ANAPC10: variants seen among roughly 807,000 people sequenced by gnomAD.
ANAPC10 encodes anaphase-promoting complex subunit 10.
A neutral mutation model predicts 22.0 loss-of-function variants in ANAPC10; 12 were observed. That is an observed-to-expected ratio of 0.55 (90% confidence interval 0.35 to 0.88). ANAPC10 has a LOEUF of 0.88. Among genes scored for constraint, ANAPC10 ranks in the 40% least tolerant of loss-of-function variants. The pLI is 0.01. For missense variants in ANAPC10, 188 were observed against 220.9 expected (o/e 0.85, Z 0.94); for synonymous variants, 65 against 69.5 (o/e 0.94, Z 0.32).
chr4:145,079,620 A>G (rs1745673519), intron 3 of ANAPC10, among the ~76,000 whole-genome samples: 2 of 152,352 alleles, frequency 1.3e-5, no homozygotes, highest in South Asian at 4.1e-4. Context: ...AAGACAAGGA[A>G]TCAACCTAGA....
intron 3 of ANAPC10, 39 bp downstream of exon 3, chr4:145,081,621 A>T: frequency 7.7e-7 from 1 of 1,291,786 alleles, no homozygotes; most frequent in South Asian, 1.3e-5. Context: ...TTTGTCTATA[A>T]CCTACAGTAG....
At chr4:145,080,113 C>CAA (rs70956824) in intron 3 of ANAPC10, among the ~76,000 whole-genome samples, 1,403 of 25,940 alleles carry the variant, frequency 0.054, 170 homozygotes, top group Non-Finnish European at 0.067. Flanking sequence ...GACTCTGTCT[C>CAA]AAAAAAAAAA....
At chr4:145,053,919 T>G (rs1297938862) in intron 4 of ANAPC10, 2 of 327,718 alleles carry the variant, frequency 6.1e-6, no homozygotes, top group Admixed American at 5.0e-5. Context: ...TGTGTGTGTG[T>G]TTTTTTTTTA....
chr4:145,043,475 C>T (rs1025662085), intron 4 of ANAPC10, among the ~76,000 whole-genome samples: 2 of 151,970 alleles, frequency 1.3e-5, no homozygotes, highest in African/African-American at 2.4e-5. Context: ...TGTGGAGAGC[C>T]AACTACAATA....
intron 4 of ANAPC10, among the ~76,000 whole-genome samples, chr4:145,019,538 T>C (rs1050117380): frequency 2.0e-5 from 3 of 151,860 alleles, no homozygotes. Context: ...CTCAAGGAAC[T>C]AGAGAAACAC....
intron 4 of ANAPC10, among the ~76,000 whole-genome samples, chr4:145,002,826 T>C (rs1051760293): frequency 1.3e-5 from 2 of 152,204 alleles, no homozygotes; most frequent in African/African-American, 4.8e-5. Flanking sequence ...CAAAATTATA[T>C]ACATAATATT....
At chr4:145,087,809 G>A (rs1319804208) in intron 2 of ANAPC10, among the ~76,000 whole-genome samples, 1 of 152,158 alleles carries the variant, frequency 6.6e-6, no homozygotes, top group Non-Finnish European at 1.5e-5. Context: ...CATTTTGGGA[G>A]GCTGAGGTGG....
chr4:145,073,796 G>A (rs1017104061), intron 3 of ANAPC10, among the ~76,000 whole-genome samples: 6 of 151,486 alleles, frequency 4.0e-5, no homozygotes, highest in Admixed American at 1.3e-4. Flanking sequence ...ATTTCTTTGC[G>A]ACACAGAAAT....
chr4:145,017,719 C>G (rs1160326516), intron 4 of ANAPC10, among the ~76,000 whole-genome samples: 1 of 151,970 alleles, frequency 6.6e-6, no homozygotes, highest in East Asian at 1.9e-4. Flanking sequence ...TGGAACCAAC[C>G]CAAATTGTCC....
At chr4:145,081,573 T>C in intron 3 of ANAPC10, 87 bp downstream of exon 3, 2 of 862,524 alleles carry the variant, frequency 2.3e-6, no homozygotes, top group Non-Finnish European at 3.6e-6. Flanking sequence ...TTCATTGTAA[T>C]TTCTATCTTT....
intron 4 of ANAPC10, among the ~76,000 whole-genome samples, chr4:145,001,410 G>A (rs994273588): frequency 7.9e-5 from 12 of 152,198 alleles, no homozygotes; most frequent in Admixed American, 7.2e-4. Flanking sequence ...GTACTTAAGA[G>A]TAGTCAAAAA....
chr4:145,080,189 C>T (rs35368532), intron 3 of ANAPC10, among the ~76,000 whole-genome samples: 2,124 of 150,242 alleles, frequency 0.014, 50 homozygotes, highest in African/African-American at 0.05. Flanking sequence ...GACATGGGTG[C>T]CTACTTGAGG....
intron 4 of ANAPC10, among the ~76,000 whole-genome samples, chr4:145,022,314 T>C (rs1321328290): frequency 2.0e-5 from 3 of 152,016 alleles, no homozygotes; most frequent in African/African-American, 7.2e-5. Flanking sequence ...ACAGTATACA[T>C]GGTGGGATAC....
chr4:145,097,193 C>A, intron 1 of ANAPC10: 1 of 327,906 alleles, frequency 3.0e-6, no homozygotes, highest in Non-Finnish European at 6.0e-6. Context: ...CAGAGCAAGA[C>A]ACTGTCCCAA....
At chr4:145,042,353 T>G (rs1430990122) in intron 4 of ANAPC10, among the ~76,000 whole-genome samples, 1 of 152,172 alleles carries the variant, frequency 6.6e-6, no homozygotes, top group African/African-American at 2.4e-5. Context: ...CCAACATACT[T>G]AAGAATCTGA....
At chr4:145,000,092 T>C (rs1242081844) in intron 4 of ANAPC10, among the ~76,000 whole-genome samples, 9 of 152,250 alleles carry the variant, frequency 5.9e-5, no homozygotes, top group Non-Finnish European at 1.5e-5. Context: ...CCTAAAACCA[T>C]AAAAACCCTA....
At chr4:144,998,677 A>T (rs1732010105) in intron 4 of ANAPC10, among the ~76,000 whole-genome samples, 1 of 152,206 alleles carries the variant, frequency 6.6e-6, no homozygotes, top group South Asian at 2.1e-4. Context: ...ACAGATCTAA[A>T]ATTGACACAA....
intron 4 of ANAPC10, among the ~76,000 whole-genome samples, chr4:144,996,543 T>G (rs1226678195): frequency 6.6e-6 from 1 of 152,158 alleles, no homozygotes; most frequent in African/African-American, 2.4e-5. Flanking sequence ...CACAGCTTCT[T>G]GTCCATGCTG....
intron 4 of ANAPC10, among the ~76,000 whole-genome samples, chr4:145,004,115 C>T (rs971609423): frequency 6.6e-5 from 10 of 151,958 alleles, no homozygotes; most frequent in African/African-American, 2.2e-4. Context: ...GTGAATAGAA[C>T]TGCATTCTTG....
Sources: allele counts gnomAD v4.1 joint callset (sites outside exome capture counted in the v4.1 genomes callset), GRCh38; gene constraint gnomAD v4.1.1; transcripts MANE v1.5; gene names NCBI Gene and HGNC (gene_info 2026-07-23, HGNC 2026-07-21).